The following NEK10 variants were observed in gnomAD, a reference collection of about 807,000 sequenced individuals.
NEK10 encodes the protein serine/threonine-protein kinase Nek10.
A neutral mutation model predicts 159.8 loss-of-function variants in NEK10; 122 were observed. That is an observed-to-expected ratio of 0.76 (90% confidence interval 0.66 to 0.89). The LOEUF is 0.89. Among genes scored for constraint, NEK10 ranks in the 40% least tolerant of loss-of-function variants. The probability of loss-of-function intolerance (pLI) is 0.00; values close to 1 mark genes in which losing one functional copy is unlikely to be tolerated. For synonymous variants in NEK10, 466 were observed against 457.1 expected, an observed-to-expected ratio of 1.02 and a Z score of -0.25; for missense variants, 1,342 against 1,323.1, an observed-to-expected ratio of 1.01 and a Z score of -0.22.
intron 22 of NEK10, among the ~76,000 whole-genome samples, chr3:27,278,252 A>G (rs564023543): frequency 1.2e-4 from 19 of 152,204 alleles, no homozygotes; most frequent in Admixed American, 3.9e-4. Context: ...AGTATTTTGC[A>G]TATACATTCT....
chr3:27,225,349 C>T (rs1952525509), intron 23 of NEK10, among the ~76,000 whole-genome samples: 1 of 152,216 alleles, frequency 6.6e-6, no homozygotes, highest in Non-Finnish European at 1.5e-5. Flanking sequence ...ACAGACACAA[C>T]CAGGATCAAT....
At chr3:27,323,703 C>T (rs750533350) in intron 5 of NEK10, among the ~76,000 whole-genome samples, 3 of 152,224 alleles carry the variant, frequency 2.0e-5, no homozygotes, top group Non-Finnish European at 4.4e-5. Flanking sequence ...AAAAGTATCA[C>T]TTCAATGTCA....
At chr3:27,146,399 C>G (rs1285667778) in intron 30 of NEK10, among the ~76,000 whole-genome samples, 1 of 152,130 alleles carries the variant, frequency 6.6e-6, no homozygotes, top group African/African-American at 2.4e-5. Context: ...ATTCTCTCAG[C>G]TAAGGATCAG....
At chr3:27,224,667 T>C (rs1467554317) in intron 23 of NEK10, among the ~76,000 whole-genome samples, 2 of 152,168 alleles carry the variant, frequency 1.3e-5, no homozygotes, top group Middle Eastern at 3.2e-3. Context: ...TTGTTTCTTG[T>C]TTTTTTCCTT....
At chr3:27,363,763 C>T (rs1322728354) in intron 1 of NEK10, 2 of 152,128 alleles carry the variant, frequency 1.3e-5, no homozygotes, top group Non-Finnish European at 1.5e-5. Flanking sequence ...GTGTAGCATA[C>T]ACATGTGTAT....
chr3:27,168,405 TAAAC>T (rs1020476806), intron 29 of NEK10, among the ~76,000 whole-genome samples: 3 of 152,194 alleles, frequency 2.0e-5, no homozygotes, highest in African/African-American at 7.2e-5. Flanking sequence ...TTCACATTAA[TAAAC>T]AAAGAAACCC....
chr3:27,165,424 G>C (rs1207928201), intron 29 of NEK10, among the ~76,000 whole-genome samples: 8 of 152,174 alleles, frequency 5.3e-5, no homozygotes, highest in Admixed American at 1.3e-4. Flanking sequence ...GCCCAATAGA[G>C]CATTACGGCT....
At chr3:27,217,039 T>C (rs1016800464) in intron 23 of NEK10, among the ~76,000 whole-genome samples, 10 of 152,196 alleles carry the variant, frequency 6.6e-5, no homozygotes, top group African/African-American at 2.4e-4. Flanking sequence ...AAATTACTTA[T>C]GAGTGATAAA....
At chr3:27,201,747 C>T (rs959662675) in intron 24 of NEK10, among the ~76,000 whole-genome samples, 167 bp from the exon 25 acceptor site, 7 of 152,156 alleles carry the variant, frequency 4.6e-5, no homozygotes, top group East Asian at 1.9e-4. Flanking sequence ...AATTAAACAG[C>T]TCTTGAACTG....
At chr3:27,221,863 G>C (rs1363554556) in intron 23 of NEK10, among the ~76,000 whole-genome samples, 1 of 152,184 alleles carries the variant, frequency 6.6e-6, no homozygotes, top group Non-Finnish European at 1.5e-5. Flanking sequence ...AGGAGTCCCA[G>C]TTGAGACCTC....
chr3:27,319,890 G>C (rs1237112587), intron 6 of NEK10, among the ~76,000 whole-genome samples: 1 of 152,176 alleles, frequency 6.6e-6, no homozygotes, highest in Non-Finnish European at 1.5e-5. Context: ...GAAAAGTGAA[G>C]ATGGCTTGGA....
At chr3:27,207,866 A>G (rs1442869579) in intron 23 of NEK10, among the ~76,000 whole-genome samples, 1 of 152,072 alleles carries the variant, frequency 6.6e-6, no homozygotes, top group Non-Finnish European at 1.5e-5. Context: ...CTCTATCTAA[A>G]CTCATGAGGA....
At chr3:27,214,729 G>C (rs1294383743) in intron 23 of NEK10, 2 of 725,144 alleles carry the variant, frequency 2.8e-6, no homozygotes, top group Non-Finnish European at 5.2e-6. Context: ...CGGCACTTCA[G>C]TATTCCTGAG....
chr3:27,182,075 C>G (rs936877946), intron 26 of NEK10, among the ~76,000 whole-genome samples: 2 of 152,058 alleles, frequency 1.3e-5, no homozygotes, highest in Non-Finnish European at 2.9e-5. Context: ...GCTACAATAT[C>G]AAAAGATACA....
At chr3:27,242,850 A>T in intron 23 of NEK10, among the ~76,000 whole-genome samples, 1 of 152,204 alleles carries the variant, frequency 6.6e-6, no homozygotes, top group Non-Finnish European at 1.5e-5. Flanking sequence ...TAAAATCTTC[A>T]AAACTTAACT....
intron 33 of NEK10, among the ~76,000 whole-genome samples, chr3:27,118,993 C>T (rs1417375381): frequency 6.6e-6 from 1 of 152,188 alleles, no homozygotes; most frequent in East Asian, 1.9e-4. Context: ...CTCCAAGTGA[C>T]ATAGCTACCG....
chr3:27,127,290 A>G (rs1231436841), intron 32 of NEK10, among the ~76,000 whole-genome samples: 1 of 152,174 alleles, frequency 6.6e-6, no homozygotes, highest in East Asian at 1.9e-4. Flanking sequence ...AAACCACAAT[A>G]TAATTATCCC....
chr3:27,150,666 T>A (rs1458893228), intron 30 of NEK10, among the ~76,000 whole-genome samples: 2 of 152,224 alleles, frequency 1.3e-5, no homozygotes, highest in Non-Finnish European at 2.9e-5. Flanking sequence ...AGGATATTAA[T>A]GTTGTTTTCA....
At chr3:27,364,410 T>G (rs2048913098) in intron 1 of NEK10, among the ~76,000 whole-genome samples, 1 of 141,056 alleles carries the variant, frequency 7.1e-6, no homozygotes, top group African/African-American at 2.6e-5. Flanking sequence ...GTGTGTATAG[T>G]AGAGACGGGG....
Sources: gnomAD v4.1 joint callset for allele counts (sites outside exome capture counted in the v4.1 genomes callset) on GRCh38, gnomAD v4.1.1 for gene constraint, MANE v1.5 for transcripts, NCBI Gene and HGNC (gene_info 2026-07-23, HGNC 2026-07-21) for gene names.